Variants in FAM81A observed in about 807,000 individuals in gnomAD.
FAM81A encodes the protein protein FAM81A.
A neutral mutation model predicts 46.7 loss-of-function variants in FAM81A; 19 were observed. That is an observed-to-expected ratio of 0.41 (90% CI 0.28 to 0.60). The LOEUF (loss-of-function observed/expected upper bound fraction) is 0.60, where lower values mean the gene tolerates loss of function less well. Ranked by LOEUF, FAM81A falls within the 20% of genes least tolerant of loss-of-function variation. The probability of loss-of-function intolerance (pLI) is 0.34; values close to 1 mark genes in which losing one functional copy is unlikely to be tolerated. For missense variants in FAM81A, 377 were observed against 453.5 expected, an observed-to-expected ratio of 0.83 and a Z score of 1.53; for synonymous variants, 183 against 152.9, an observed-to-expected ratio of 1.20 and a Z score of -1.45.
At chr15:59,442,844 CAA>C (rs2081315285) in intron 1 of FAM81A, among the ~76,000 whole-genome samples, 1 of 152,084 alleles carries the variant, frequency 6.6e-6, no homozygotes, top group Admixed American at 6.6e-5. Flanking sequence ...TACACACACA[CAA>C]GTGCATATGT....
At chr15:59,508,829 G>C (rs2082175531) in intron 5 of FAM81A, 34 bp from the exon 6 acceptor site, 1 of 1,543,196 alleles carries the variant, frequency 6.5e-7, no homozygotes, top group Non-Finnish European at 8.9e-7. Flanking sequence ...GAAGACGTTA[G>C]ATGTGATATT....
At chr15:59,429,115 A>G (rs1263727446) in intron 2 of FAM81A, among the ~76,000 whole-genome samples, 1 of 152,240 alleles carries the variant, frequency 6.6e-6, no homozygotes, top group African/African-American at 2.4e-5. Flanking sequence ...AGTTTCCCTC[A>G]GGATTTTAAA....
At chr15:59,402,127 C>G in intron 1 of FAM81A, 1 of 351,952 alleles carries the variant, frequency 2.8e-6, no homozygotes, top group Non-Finnish European at 5.2e-6. Flanking sequence ...TTTATATTAA[C>G]TTTGCTATTG....
At position 59,509,069 on chromosome 15, in the gene FAM81A, T is replaced by C. The variant is rs1337834112; in HGVS notation, c.650+100T>C. On this transcript the variant is annotated intron_variant, in intron 6 of 8. Coordinates refer to ENST00000288228, the MANE Select transcript of FAM81A (RefSeq NM_152450.3). Reference sequence around the variant, plus strand: ...TCTTGGTTTTTATTTATTGCACAAATTGAAAACAATAATGGAAGTTAAAAA... The same window carrying C: ...TCTTGGTTTTTATTTATTGCACAAACTGAAAACAATAATGGAAGTTAAAAA... The C allele has an allele frequency of 1.4e-5, 12 of 877,622 alleles. No homozygotes were observed. The East Asian group carries it at 3.5e-4, about 25-fold the overall frequency. The allele number at this position is 877,622 out of a possible 1,614,324, so 54.4% of individuals were successfully genotyped here. A position where few individuals can be genotyped will look rare whatever the true frequency, so the allele number is the denominator to read the frequency against.
intron 3 of FAM81A, among the ~76,000 whole-genome samples, chr15:59,465,315 C>T (rs565782544): frequency 6.6e-6 from 1 of 152,280 alleles, no homozygotes; most frequent in East Asian, 1.9e-4. Flanking sequence ...CTCTTTTGCC[C>T]AGGCTAGAGT....
chr15:59,402,849 C>T (rs748812220), intron 2 of FAM81A, among the ~76,000 whole-genome samples: 4 of 152,136 alleles, frequency 2.6e-5, no homozygotes, highest in African/African-American at 4.8e-5. Context: ...CCACCACGCC[C>T]GGCCTCTATT....
intron 2 of FAM81A, chr15:59,407,399 A>T (rs1263131009): frequency 6.9e-6 from 1 of 145,464 alleles, no homozygotes; most frequent in East Asian, 2.1e-4. Context: ...GGTTCACGCT[A>T]TTCTCCTGCC....
rs569200004 is a variant in FAM81A, at chr15:59,448,765, T to C, written c.-77-9785T>C. Among the ~76,000 whole-genome samples the C allele has an allele frequency of 3.3e-5, 5 of 152,306 alleles. No homozygotes were observed. In the East Asian group the frequency reaches 9.6e-4, roughly 29 times the overall value. ...AACTCCTGGGCTCAAGCAATCCTGTTGCCTTAGGCTCCTGAGTATCTTGGA... is the reference window on the plus strand; with the variant it reads ...AACTCCTGGGCTCAAGCAATCCTGTCGCCTTAGGCTCCTGAGTATCTTGGA... On this transcript the variant is annotated intron_variant, in intron 1 of 8. Coordinates refer to ENST00000288228, the MANE Select transcript of FAM81A (RefSeq NM_152450.3).
intron 2 of FAM81A, among the ~76,000 whole-genome samples, chr15:59,411,658 G>A (rs2081121159): frequency 6.6e-6 from 1 of 152,204 alleles, no homozygotes; most frequent in Non-Finnish European, 1.5e-5. Context: ...GTTCACTCCT[G>A]TAATCCCAGC....
chr15:59,406,022 C>G (rs578053509), intron 2 of FAM81A, among the ~76,000 whole-genome samples: 3 of 152,258 alleles, frequency 2.0e-5, no homozygotes, highest in African/African-American at 7.2e-5. Flanking sequence ...CCTTGCAACT[C>G]GACCCAGAAA....
Position 59,508,750 on chromosome 15 carries a change from C to G in FAM81A, c.544-113C>G, listed in dbSNP as rs2082174769. On this transcript the variant is annotated intron_variant, in intron 5 of 8. Coordinates refer to ENST00000288228, the MANE Select transcript of FAM81A (RefSeq NM_152450.3). ...GAGGTAGACTTATAAATGAATTTAT[C>G]AAATTAGATAGAATCTTAATGCCAT... 4.5e-6 allele frequency: 3 copies of G among 669,420 alleles called. No individual in the cohort carries two copies. In the African/African-American group the frequency reaches 5.5e-5, roughly 12 times the overall value. 41.5% of individuals were successfully genotyped at this position (669,420 alleles called of 1,614,324 possible). A position where few individuals can be genotyped will look rare whatever the true frequency, so the allele number is the denominator to read the frequency against.
chr15:59,487,696 TTGAATAATGAAGAAATCCAAAACC>T (rs1361228690), intron 3 of FAM81A, among the ~76,000 whole-genome samples: 2 of 151,934 alleles, frequency 1.3e-5, no homozygotes, highest in Non-Finnish European at 2.9e-5. Context: ...CCTACCACAA[TTGAATAATGAAGAAATCCAAAACC>T]TGAACAAACC....
At chr15:59,487,188 T>TTTATATATATATTATATATATATC (rs1567065390) in intron 3 of FAM81A, among the ~76,000 whole-genome samples, 11 of 146,598 alleles carry the variant, frequency 7.5e-5, no homozygotes, top group Admixed American at 1.4e-4. Context: ...ATATATATAT[T>TTTATATATATATTATATATATATC]TTATATATAT....
intron 1 of FAM81A, among the ~76,000 whole-genome samples, chr15:59,455,786 C>T (rs1332088342): frequency 2.0e-5 from 3 of 152,136 alleles, no homozygotes; most frequent in East Asian, 3.9e-4. Flanking sequence ...ATGAAATGGC[C>T]TTCAGAGAAG....
intron 2 of FAM81A, among the ~76,000 whole-genome samples, chr15:59,430,278 T>C (rs1202470697): frequency 7.8e-6 from 1 of 128,654 alleles, no homozygotes; most frequent in Non-Finnish European, 1.7e-5. Context: ...TTTTTTTTTT[T>C]TTTTGAGATG....
chr15:59,416,573 T>C (rs1215389950), intron 2 of FAM81A, among the ~76,000 whole-genome samples: 2 of 152,292 alleles, frequency 1.3e-5, no homozygotes, highest in Admixed American at 1.3e-4. Context: ...AAACAGGAGC[T>C]GAAGGGATGT....
chr15:59,472,211 C>G (rs2081702819), intron 3 of FAM81A, among the ~76,000 whole-genome samples: 1 of 151,948 alleles, frequency 6.6e-6, no homozygotes, highest in Non-Finnish European at 1.5e-5. Flanking sequence ...CGCGGTGGCT[C>G]ATACCTGTAA....
intron 8 of FAM81A, among the ~76,000 whole-genome samples, chr15:59,518,008 C>A (rs1238317309): frequency 6.7e-6 from 1 of 149,842 alleles, no homozygotes; most frequent in Non-Finnish European, 1.5e-5. Context: ...GAATCTTGCT[C>A]TGTTGCCAGC....
intron 1 of FAM81A, among the ~76,000 whole-genome samples, chr15:59,441,579 C>T (rs1333470694): frequency 3.9e-5 from 6 of 152,228 alleles, no homozygotes; most frequent in Non-Finnish European, 8.8e-5. Flanking sequence ...ATTCTGGTTT[C>T]ACCCTCATCT....
Sources: gnomAD v4.1 joint callset for allele counts (sites outside exome capture counted in the v4.1 genomes callset) on GRCh38, gnomAD v4.1.1 for gene constraint, MANE v1.5 for transcripts, NCBI Gene and HGNC (gene_info 2026-07-23, HGNC 2026-07-21) for gene names.